The following INSL6 variants were observed in gnomAD, a reference collection of about 807,000 sequenced individuals.
INSL6 encodes insulin like 6.
INSL6 carries 16 observed loss-of-function variants against 9.4 expected under a neutral mutation model. That is an observed-to-expected ratio of 1.70 (90% CI 1.15 to 2.59). The LOEUF is 2.59. INSL6 is among the 30% of genes most tolerant of loss of function. The pLI is 0.00. For synonymous variants in INSL6, 154 were observed against 96.9 expected, an observed-to-expected ratio of 1.59 and a Z score of -3.46; for missense variants, 391 against 257.3, an observed-to-expected ratio of 1.52 and a Z score of -3.56.
the INSL6 span, chr9:5,099,876 CCT>C: frequency 1.3e-5 from 2 of 152,100 alleles, no homozygotes; most frequent in African/African-American, 2.4e-5. Context: ...TAGCAATCCC[CCT>C]GTGAGCAGGC....
At chr9:5,112,199 G>A in the INSL6 span, 7 of 272,064 alleles carry the variant, frequency 2.6e-5, no homozygotes, top group African/African-American at 1.4e-4. Flanking sequence ...GGCTTCGCCG[G>A]CCCCATGCTG....
At chr9:5,086,859 G>C in the INSL6 span, among the ~76,000 whole-genome samples, 15 of 152,168 alleles carry the variant, frequency 9.9e-5, no homozygotes, top group Admixed American at 2.0e-4. Context: ...TCATAGAGCA[G>C]TTTGTATCAA....
the INSL6 span, among the ~76,000 whole-genome samples, chr9:5,023,515 GA>G: frequency 6.6e-6 from 1 of 152,134 alleles, no homozygotes; most frequent in Non-Finnish European, 1.5e-5. Context: ...CCCTCTATGT[GA>G]ATTTTTTGTC....
the INSL6 span, among the ~76,000 whole-genome samples, chr9:5,063,800 T>C: frequency 6.6e-6 from 1 of 152,252 alleles, no homozygotes; most frequent in Non-Finnish European, 1.5e-5. Flanking sequence ...ATAATACGTC[T>C]ATATATTTTC....
chr9:5,183,096 T>C (rs148826806), intron 1 of INSL6, among the ~76,000 whole-genome samples: 135 of 152,344 alleles, frequency 8.9e-4, no homozygotes, highest in African/African-American at 3.1e-3. Flanking sequence ...TCCAGCCATA[T>C]TCATATATAA....
chr9:5,184,490 G>A (rs970419219), intron 1 of INSL6, among the ~76,000 whole-genome samples: 5 of 152,296 alleles, frequency 3.3e-5, no homozygotes, highest in Middle Eastern at 3.4e-3. Context: ...AAAGCATCAA[G>A]TATAAATTCA....
At chr9:5,020,936 CAG>C in the INSL6 span, among the ~76,000 whole-genome samples, 3 of 152,060 alleles carry the variant, frequency 2.0e-5, no homozygotes, top group Non-Finnish European at 2.9e-5. Context: ...GCTTAGGACT[CAG>C]GGGTGTGTTG....
In INSL6 at chr9:5,138,075, G is replaced by A. The variant is rs142815709; in HGVS notation, c.377-4483C>T. Reference sequence around the variant, plus strand: ...TAGAATGGTGATCATTAAAAAGTCAGGAAACAACAGATGCTGGAGAGGATG... The same window carrying A: ...TAGAATGGTGATCATTAAAAAGTCAAGAAACAACAGATGCTGGAGAGGATG... On this transcript the variant is annotated intron_variant, in intron 2 of 3. Coordinates refer to the INSL6 transcript ENST00000649639. 2.5e-3 allele frequency among the ~76,000 whole-genome samples: 380 copies of A among 152,252 alleles called. 1 individual carries two copies. Among genetic ancestry groups the A allele is most frequent in the East Asian group, 0.017 (87 of 5,182 alleles).
the INSL6 span, chr9:5,090,392 T>G: frequency 1.6e-6 from 2 of 1,267,714 alleles, no homozygotes; most frequent in Non-Finnish European, 1.0e-6. Context: ...TTTCTAATAT[T>G]TAATCAGTAT....
the INSL6 span, among the ~76,000 whole-genome samples, chr9:5,077,020 G>T: frequency 3.3e-5 from 5 of 151,994 alleles, no homozygotes; most frequent in Non-Finnish European, 2.9e-5. Context: ...AATGGAGCTA[G>T]AACTCAAATT....
chr9:5,110,018 T>C, the INSL6 span: 1 of 152,194 alleles, frequency 6.6e-6, no homozygotes, highest in Non-Finnish European at 1.5e-5. Context: ...TTATTTTAGT[T>C]ATAGCATGGT....
the INSL6 span, chr9:5,072,648 T>G: frequency 1.3e-6 from 2 of 1,542,722 alleles, no homozygotes; most frequent in Non-Finnish European, 1.8e-6. Flanking sequence ...CTTTATATTG[T>G]TCATGTAGTT....
the INSL6 span, among the ~76,000 whole-genome samples, chr9:5,008,185 T>G: frequency 1.3e-5 from 2 of 152,212 alleles, no homozygotes; most frequent in Non-Finnish European, 2.9e-5. Context: ...ATACATAAAG[T>G]CAATATTATG....
the INSL6 span, chr9:5,085,148 G>C: frequency 1.5e-6 from 1 of 646,808 alleles, no homozygotes; most frequent in Admixed American, 1.8e-5. Flanking sequence ...AATACATACT[G>C]TGGAGCTCTG....
chr9:5,026,407 C>G, the INSL6 span, among the ~76,000 whole-genome samples: 1 of 151,920 alleles, frequency 6.6e-6, no homozygotes, highest in Admixed American at 6.6e-5. Flanking sequence ...AATAACTTAC[C>G]GAAATTATTA....
At chr9:5,150,434 G>C (rs1586863615) in intron 2 of INSL6, among the ~76,000 whole-genome samples, 1 of 151,902 alleles carries the variant, frequency 6.6e-6, no homozygotes, top group Admixed American at 6.6e-5. Flanking sequence ...TTGTGCAAAG[G>C]ACATGAACAT....
At chr9:5,054,947 G>C in the INSL6 span, 1 of 1,266,032 alleles carries the variant, frequency 7.9e-7, no homozygotes, top group Non-Finnish European at 1.1e-6. This position sits in a 1 kb window ranked among gnomAD's most constrained non-coding sequence, Gnocchi z 4.9. Context: ...TAAAAACAAA[G>C]TAATTTTAAT....
chr9:5,074,091 G>C, the INSL6 span, among the ~76,000 whole-genome samples: 2 of 152,042 alleles, frequency 1.3e-5, no homozygotes, highest in African/African-American at 4.8e-5. Flanking sequence ...CATAACATTG[G>C]AATAACTGGC....
At chr9:5,158,687 GAAAGAAAA>G (rs1240500176) in intron 2 of INSL6, among the ~76,000 whole-genome samples, 2 of 151,766 alleles carry the variant, frequency 1.3e-5, no homozygotes, top group African/African-American at 2.4e-5. Flanking sequence ...AAAAAAGGAA[GAAAGAAAA>G]AAAGAAAAAA....
Sources: allele counts gnomAD v4.1 joint callset (sites outside exome capture counted in the v4.1 genomes callset), GRCh38; gene constraint gnomAD v4.1.1; non-coding constraint Gnocchi (gnomAD v3.1); transcripts MANE v1.5; gene names NCBI Gene and HGNC (gene_info 2026-07-23, HGNC 2026-07-21).